The following NTM variants were observed in gnomAD, a reference collection of about 807,000 sequenced individuals.
NTM encodes the protein neurotrimin.
In NTM, 13 loss-of-function variants were observed where a neutral mutation model predicts 42.1. The observed-to-expected ratio is 0.31, with a 90% confidence interval of 0.20 to 0.49. The LOEUF is 0.49. NTM is among the 20% of genes least tolerant of loss of function. The pLI is 0.99. For synonymous variants in NTM, 187 were observed against 179.2 expected, an observed-to-expected ratio of 1.04 and a Z score of -0.35; for missense variants, 373 against 452.8, an observed-to-expected ratio of 0.82 and a Z score of 1.60.
intron 3 of NTM, among the ~76,000 whole-genome samples, chr11:132,181,398 C>T (rs2077557395): frequency 6.6e-6 from 1 of 152,174 alleles, no homozygotes; most frequent in African/African-American, 2.4e-5. Flanking sequence ...TTCTAAATTC[C>T]CAAAGGATTA....
At chr11:131,755,645 G>A (rs901315287) in intron 1 of NTM, among the ~76,000 whole-genome samples, 10 of 152,152 alleles carry the variant, frequency 6.6e-5, no homozygotes, top group African/African-American at 2.2e-4. Context: ...CCAGCATGGT[G>A]TATTATCACC....
intron 1 of NTM, among the ~76,000 whole-genome samples, chr11:131,388,786 C>A (rs976931478): frequency 6.6e-6 from 1 of 151,006 alleles, no homozygotes. Flanking sequence ...TCGAGGCGGG[C>A]GAATCACTTG....
chr11:131,584,891 G>C (rs550467585), intron 1 of NTM, among the ~76,000 whole-genome samples: 1 of 152,140 alleles, frequency 6.6e-6, no homozygotes, highest in Non-Finnish European at 1.5e-5. Flanking sequence ...GTGCTGCATC[G>C]GGCCTGGTGC....
intron 1 of NTM, among the ~76,000 whole-genome samples, chr11:131,530,451 C>T (rs2136662689): frequency 6.8e-6 from 1 of 147,742 alleles, no homozygotes; most frequent in Admixed American, 6.7e-5. Flanking sequence ...AAAGACTGAC[C>T]AGTTCTTTTA....
intron 1 of NTM, among the ~76,000 whole-genome samples, chr11:131,507,950 A>G (rs1312425930): frequency 6.6e-6 from 1 of 152,208 alleles, no homozygotes; most frequent in Admixed American, 6.5e-5. Flanking sequence ...AAACCTAGGC[A>G]TTACCATTCA....
intron 1 of NTM, among the ~76,000 whole-genome samples, chr11:131,645,489 A>G (rs558522127): frequency 6.6e-6 from 1 of 152,298 alleles, no homozygotes; most frequent in South Asian, 2.1e-4. Context: ...CTAAATAGGG[A>G]AAGGAGTTCT....
intron 1 of NTM, among the ~76,000 whole-genome samples, chr11:131,861,274 A>T (rs1489610194): frequency 6.6e-6 from 1 of 152,218 alleles, no homozygotes; most frequent in East Asian, 1.9e-4. Context: ...AGTGCTAAAA[A>T]GACTTTAGAC....
intron 1 of NTM, among the ~76,000 whole-genome samples, chr11:131,715,831 T>C (rs747135187): frequency 3.6e-4 from 55 of 152,364 alleles, no homozygotes; most frequent in Middle Eastern, 6.8e-3. Flanking sequence ...CATGTATTAG[T>C]AGTTCATTTT....
At chr11:131,777,087 A>T (rs1259019754) in intron 1 of NTM, 1 of 957,468 alleles carries the variant, frequency 1.0e-6, no homozygotes, top group East Asian at 1.2e-4. Context: ...GTGTTGGAAG[A>T]AATTATTGAT....
At chr11:131,790,920 G>A (rs1319841322) in intron 1 of NTM, among the ~76,000 whole-genome samples, 1 of 152,160 alleles carries the variant, frequency 6.6e-6, no homozygotes, top group South Asian at 2.1e-4. Flanking sequence ...TATCTTTGGA[G>A]CAATCTCTAT....
At chr11:131,649,058 A>G (rs1362814247) in intron 1 of NTM, among the ~76,000 whole-genome samples, 1 of 152,174 alleles carries the variant, frequency 6.6e-6, no homozygotes, top group African/African-American at 2.4e-5. Flanking sequence ...ATCGAGCACT[A>G]TGACAGGTGC....
At chr11:132,059,937 C>T (rs989824303) in intron 2 of NTM, among the ~76,000 whole-genome samples, 3 of 152,142 alleles carry the variant, frequency 2.0e-5, no homozygotes, top group Non-Finnish European at 2.9e-5. Context: ...GTCCCTCCTG[C>T]AGCCTTTTGA....
At chr11:132,293,284 T>G in intron 4 of NTM, among the ~76,000 whole-genome samples, 1 of 152,006 alleles carries the variant, frequency 6.6e-6, no homozygotes, top group East Asian at 1.9e-4. Flanking sequence ...AGCTCAGAAG[T>G]TTAACTGGAA....
At chr11:131,932,148 G>T (rs900298140) in intron 2 of NTM, among the ~76,000 whole-genome samples, 2 of 152,198 alleles carry the variant, frequency 1.3e-5, no homozygotes, top group Non-Finnish European at 2.9e-5. Flanking sequence ...GAATCCAGTA[G>T]TTGTCAAACA....
At chr11:131,821,950 C>T (rs1382051630) in intron 1 of NTM, among the ~76,000 whole-genome samples, 1 of 152,172 alleles carries the variant, frequency 6.6e-6, no homozygotes, top group East Asian at 1.9e-4. Context: ...GACACTTCTG[C>T]CTTGATTCTG....
At position 132,002,869 on chromosome 11, in the gene NTM, G is replaced by T. The variant is rs1449470788; in HGVS notation, c.167+91221G>T. ...AGTCCTAGAACAAAGCCTGCACATA[G>T]CAAGCTCTTAGCCAATGTTAGCAGC... On this transcript the variant is annotated intron_variant, in intron 2 of 8. Transcript: ENST00000683400. This position sits in a 1 kb window ranked among gnomAD's most constrained non-coding sequence, Gnocchi z 4.5. Among the ~76,000 whole-genome samples the T allele has an allele frequency of 6.6e-6, 1 of 152,132 alleles. No homozygotes were observed. Among genetic ancestry groups the T allele is most frequent in the Non-Finnish European group, 1.5e-5 (1 of 68,050 alleles).
chr11:131,414,974 T>G (rs1946795051), intron 1 of NTM, among the ~76,000 whole-genome samples: 1 of 152,196 alleles, frequency 6.6e-6, no homozygotes. Flanking sequence ...TCTCCCCACT[T>G]GCTTCTGACT....
chr11:131,673,428 T>C (rs1324547497), intron 1 of NTM, among the ~76,000 whole-genome samples: 5 of 152,194 alleles, frequency 3.3e-5, no homozygotes, highest in Non-Finnish European at 7.3e-5. Flanking sequence ...CCCCCAGGCC[T>C]GTACTTTGTA....
chr11:131,431,435 G>A lies in NTM; in HGVS notation c.82+60547G>A, dbSNP rs142527356. 8.8e-3 allele frequency among the ~76,000 whole-genome samples: 1,346 copies of A among 152,260 alleles called. 12 individuals carry two copies. Among genetic ancestry groups the A allele is most frequent in the Non-Finnish European group, 0.015 (989 of 68,018 alleles). On this transcript the variant is annotated intron_variant, in intron 1 of 8. Transcript: ENST00000683400. ...ATGAGATAAAAAGATAACATTAAGCGCATTCCCAAAATGCCAGAATCTCTA... is the reference window on the plus strand; with the variant it reads ...ATGAGATAAAAAGATAACATTAAGCACATTCCCAAAATGCCAGAATCTCTA...
Sources: gnomAD v4.1 joint callset for allele counts (sites outside exome capture counted in the v4.1 genomes callset) on GRCh38, gnomAD v4.1.1 for gene constraint, Gnocchi (gnomAD v3.1) non-coding constraint, MANE v1.5 for transcripts, NCBI Gene and HGNC (gene_info 2026-07-23, HGNC 2026-07-21) for gene names.